The following COX20 variants were observed in gnomAD, a reference collection of about 807,000 sequenced individuals.
COX20 encodes cytochrome c oxidase assembly protein COX20, mitochondrial.
A neutral mutation model predicts 14.3 loss-of-function variants in COX20; 14 were observed. The ratio of observed to expected loss-of-function variants is 0.98; its 90% confidence interval spans 0.65 to 1.53. COX20 has a LOEUF of 1.53. Ranked by LOEUF, COX20 falls within the 40% of genes most tolerant of loss-of-function variation. The pLI, the probability that COX20 is intolerant of heterozygous loss-of-function variation, is 0.00. For synonymous variants in COX20, 56 were observed against 51.7 expected (o/e 1.08, Z -0.36); for missense variants, 149 against 142.1 (o/e 1.05, Z -0.25).
upstream of COX20, chr1:244,835,535 CCCGGCCCCGT>C (rs1416596045): frequency 3.0e-5 from 12 of 406,202 alleles, no homozygotes; most frequent in Admixed American, 4.5e-5. Context: ...GACATGACAG[CCCGGCCCCGT>C]GCGGCCACTG....
At chr1:244,842,955 A>T in intron 3 of COX20, 86 bp from the exon 4 acceptor site, 1 of 1,043,938 alleles carries the variant, frequency 9.6e-7, no homozygotes, top group Non-Finnish European at 1.3e-6. Flanking sequence ...ATCTGTATTT[A>T]AGTTTTGTGT....
chr1:244,840,917 G>A (rs779460098), intron 1 of COX20: 3 of 152,126 alleles, frequency 2.0e-5, no homozygotes, highest in Non-Finnish European at 4.4e-5. Context: ...AGATAACTAT[G>A]AAACCTTTAA....
rs904409991 is a variant in COX20 at position 244,843,856 on chromosome 1, C to T, written c.*680C>T. On this transcript the variant is annotated 3_prime_UTR_variant, in exon 4 of 4. Coordinates refer to ENST00000411948, the MANE Select transcript of COX20 (RefSeq NM_198076.6). ...AGAATTACTATTAATGTAAACAATC[C>T]ATTTGAAAGTCAATCAGCTGCTCCC... is the stretch of plus-strand genomic sequence containing the variant. 2 of 152,100 alleles carry T rather than the reference C, an allele frequency of 1.3e-5. No homozygotes were observed. Among genetic ancestry groups the T allele is most frequent in the African/African-American group, 4.8e-5 (2 of 41,424 alleles). 9.4% of individuals were successfully genotyped at this position (152,100 alleles called of 1,614,324 possible). A position where few individuals can be genotyped will look rare whatever the true frequency, so the allele number is the denominator to read the frequency against.
chr1:244,843,141 C>A lies in COX20; in HGVS notation c.322C>A (p.Pro108Thr). The A allele has an allele frequency of 6.3e-7, 1 of 1,593,326 alleles. No individual in the cohort carries two copies. Among genetic ancestry groups the A allele is most frequent in the Non-Finnish European group, 8.5e-7 (1 of 1,174,160 alleles). The change falls in exon 4 of 4, where the codon CCT becomes ACT. Residue 108 changes from proline to threonine, a missense_variant. Transcript: ENST00000411948. ...ATTATATGAAGGTACCCACCTCGATCCTGAAAGAAAACACAACGGCAGCAG... is the reference window on the plus strand; with the variant it reads ...ATTATATGAAGGTACCCACCTCGATACTGAAAGAAAACACAACGGCAGCAG... ...KILYEGTHLD[P>T]ERKHNGSSSN is the part of the protein sequence containing the mutation.
At position 244,835,817 on chromosome 1, in the gene COX20, C is replaced by G. The variant is rs1035513661; in HGVS notation, c.42+61C>G. On this transcript the variant is annotated intron_variant, in intron 1 of 3. Coordinates refer to ENST00000411948, the MANE Select transcript of COX20 (RefSeq NM_198076.6). ...GGGCGGTGGGTAAGGACGTTCTCCG[C>G]GGAGCTCCTAGGCCCGGAGCACGTG... 4.2e-6 allele frequency: 5 copies of G among 1,184,580 alleles called. No individual in the cohort carries two copies. The African/African-American group carries it at 4.7e-5, about 11-fold the overall frequency. 73.4% of individuals were successfully genotyped at this position (1,184,580 alleles called of 1,614,324 possible).
Position 244,843,522 on chromosome 1 carries a change from T to C in COX20, c.*346T>C, listed in dbSNP as rs968070049. On this transcript the variant is annotated 3_prime_UTR_variant, in exon 4 of 4. Transcript: ENST00000411948. ...AAGTAAACGTCCCTTAACAAAAACC[T>C]CAACCTTATTACTATCCCATTAAAA... 3.8e-4 allele frequency: 73 copies of C among 190,822 alleles called. No homozygotes were observed. Among genetic ancestry groups the C allele is most frequent in the Non-Finnish European group, 3.0e-4 (28 of 93,844 alleles). The allele number at this position is 190,822 out of a possible 1,614,324, so 11.8% of individuals were successfully genotyped here.
Position 244,844,393 on chromosome 1 carries a change from G to C in COX20, c.*1217G>C, listed in dbSNP as rs913130382. ...TTACTGATTCACAAAAAGGAAGACA[G>C]TTTGCCCACTCTTAGTGGCACAAAT... On this transcript the variant is annotated 3_prime_UTR_variant, in exon 4 of 4. Coordinates refer to ENST00000411948, the MANE Select transcript of COX20 (RefSeq NM_198076.6). 6.6e-6 allele frequency: 1 copy of C among 152,168 alleles called. No individual in the cohort carries two copies. The highest frequency in any genetic ancestry group is 1.5e-5 in the Non-Finnish European group (1 of 68,016). The allele number at this position is 152,168 out of a possible 1,614,324, so 9.4% of individuals were successfully genotyped here. A position where few individuals can be genotyped will look rare whatever the true frequency, so the allele number is the denominator to read the frequency against.
In COX20 at chr1:244,835,712, C is replaced by T. The variant is rs1679950014; in HGVS notation, c.-3C>T. On this transcript the variant is annotated 5_prime_UTR_variant, in exon 1 of 4. Coordinates refer to ENST00000411948, the MANE Select transcript of COX20 (RefSeq NM_198076.6). The stretch of plus-strand genomic sequence containing the variant: ...GGGCGGGTGGAGTCGCGGAGTAGTC[C>T]TCATGGCCGCCCCGCCGGAGCCCGG... 2.4e-6 allele frequency: 3 copies of T among 1,267,330 alleles called. No individual in the cohort carries two copies. Among genetic ancestry groups the T allele is most frequent in the South Asian group, 2.9e-5 (1 of 34,730 alleles). The allele number at this position is 1,267,330 out of a possible 1,614,324, so 78.5% of individuals were successfully genotyped here.
chr1:244,836,613 AAAG>A, intron 1 of COX20: 2 of 1,149,238 alleles, frequency 1.7e-6, no homozygotes, highest in South Asian at 1.4e-5. Flanking sequence ...GGTATTCAGA[AAAG>A]AATAATGCAA....
At chr1:244,835,930 G>A (rs1679965377) in intron 1 of COX20, among the ~76,000 whole-genome samples, 174 bp downstream of exon 1, 1 of 152,172 alleles carries the variant, frequency 6.6e-6, no homozygotes, top group African/African-American at 2.4e-5. Context: ...TAATCTAAGT[G>A]GCCGGGACAA....
intron 3 of COX20, 92 bp downstream of exon 3, chr1:244,842,350 G>A: frequency 1.2e-6 from 1 of 856,096 alleles, no homozygotes; most frequent in Non-Finnish European, 2.0e-6. Flanking sequence ...TCTCCCATTG[G>A]GAGATCCTCA....
intron 1 of COX20, among the ~76,000 whole-genome samples, chr1:244,839,593 G>A (rs1361538027): frequency 6.6e-6 from 1 of 152,112 alleles, no homozygotes; most frequent in African/African-American, 2.4e-5. Context: ...AGGGAGTTAT[G>A]CCCGGGATCC....
intron 1 of COX20, chr1:244,836,501 T>C: frequency 6.4e-7 from 1 of 1,550,680 alleles, no homozygotes; most frequent in Non-Finnish European, 8.7e-7. Context: ...TGTACGTCGT[T>C]ACATTTATCA....
Position 244,844,346 on chromosome 1 carries a change from AAC to A in COX20, c.*1174_*1175del, listed in dbSNP as rs760539552. On this transcript the variant is annotated 3_prime_UTR_variant, in exon 4 of 4. Transcript: ENST00000411948. The stretch of plus-strand genomic sequence containing the variant: ...ACTTAGCAGTGAATGACAACTGTCA[AAC>A]ACATGTTGAGGGAAAATTTTTACTG... 15 of 152,326 alleles carry A rather than the reference AAC, an allele frequency of 9.8e-5. No homozygotes were observed. Among genetic ancestry groups the A allele is most frequent in the Middle Eastern group, 3.4e-3 (1 of 294 alleles). 9.4% of individuals were successfully genotyped at this position (152,326 alleles called of 1,614,324 possible).
At chr1:244,836,503 C>G (rs918985665) in intron 1 of COX20, 9 of 1,550,584 alleles carry the variant, frequency 5.8e-6, no homozygotes, top group South Asian at 1.2e-5. Flanking sequence ...TACGTCGTTA[C>G]ATTTATCATA....
Position 244,843,173 on chromosome 1 carries a change from T to C in COX20, c.354T>C (p.Asn118=). 6.3e-7 allele frequency: 1 copy of C among 1,582,754 alleles called. No homozygotes were observed. Among genetic ancestry groups the C allele is most frequent in the Non-Finnish European group, 8.5e-7 (1 of 1,171,446 alleles). Residue 118 remains asparagine (N), a synonymous_variant, in exon 4 of 4, where the codon AAT becomes AAC. Transcript: ENST00000411948. The part of the protein sequence containing the change: ...PERKHNGSSS[N] ...GAAAACACAACGGCAGCAGCAGCAA[T>C]TGAACAATCTTGAGCATAGAAGTCA...
chr1:244,843,579 G>A lies in COX20; in HGVS notation c.*403G>A, dbSNP rs1322427706. The A allele has an allele frequency of 1.3e-5, 2 of 154,892 alleles. No individual in the cohort carries two copies. Among genetic ancestry groups the A allele is most frequent in the Non-Finnish European group, 2.9e-5 (2 of 69,950 alleles). 9.6% of individuals were successfully genotyped at this position (154,892 alleles called of 1,614,324 possible). On this transcript the variant is annotated 3_prime_UTR_variant, in exon 4 of 4. Transcript: ENST00000411948. ...AAATACTTACTGAGTTCTTGTAAGAGCTAATGTCATTGTAAGATTTAAAAC... is the reference window on the plus strand; with the variant it reads ...AAATACTTACTGAGTTCTTGTAAGAACTAATGTCATTGTAAGATTTAAAAC...
At chr1:244,837,927 TATA>T (rs1188151020) in intron 1 of COX20, among the ~76,000 whole-genome samples, 1 of 152,176 alleles carries the variant, frequency 6.6e-6, no homozygotes, top group Non-Finnish European at 1.5e-5. Flanking sequence ...GAGGACTTAT[TATA>T]GTCATCTGAT....
chr1:244,835,653 G>A, upstream of COX20: 2 of 1,211,058 alleles, frequency 1.7e-6, no homozygotes, highest in Non-Finnish European at 2.1e-6. Context: ...GGCGCGGCCA[G>A]CCGGGCTTCT....
Sources: allele counts gnomAD v4.1 joint callset (sites outside exome capture counted in the v4.1 genomes callset), GRCh38; gene constraint gnomAD v4.1.1; transcripts MANE v1.5; gene names NCBI Gene and HGNC (gene_info 2026-07-23, HGNC 2026-07-21).